CACNA1C: variants seen among roughly 807,000 people sequenced by gnomAD.
The protein encoded by CACNA1C is calcium voltage-gated channel subunit alpha1 C.
In CACNA1C, 30 loss-of-function variants were observed where a neutral mutation model predicts 229.0. The ratio of observed to expected loss-of-function variants is 0.13; its 90% confidence interval spans 0.10 to 0.18. CACNA1C has a LOEUF of 0.18. Among genes scored for constraint, CACNA1C ranks in the 10% least tolerant of loss-of-function variants. CACNA1C has a pLI of 1.00. For missense variants in CACNA1C, 1,658 were observed against 2,845.0 expected, an observed-to-expected ratio of 0.58 and a Z score of 9.49; for synonymous variants, 1,114 against 1,132.5, an observed-to-expected ratio of 0.98 and a Z score of 0.33.
At chr12:2,171,192 C>T (rs948029830) in intron 3 of CACNA1C, among the ~76,000 whole-genome samples, 2 of 152,178 alleles carry the variant, frequency 1.3e-5, no homozygotes, top group African/African-American at 4.8e-5. Context: ...CCTGTCAGGG[C>T]GATACAGTCT....
chr12:2,578,671 G>A (rs1600847877), intron 13 of CACNA1C, among the ~76,000 whole-genome samples: 1 of 152,212 alleles, frequency 6.6e-6, no homozygotes, highest in African/African-American at 2.4e-5. Flanking sequence ...CGAGGACTTT[G>A]CCTTGAGCCA....
At chr12:2,063,548 A>G (rs752817855) in intron 1 of CACNA1C, among the ~76,000 whole-genome samples, 2 of 152,260 alleles carry the variant, frequency 1.3e-5, no homozygotes, top group Non-Finnish European at 2.9e-5. Context: ...GACAATTTAC[A>G]TGATAAATGA....
chr12:2,642,764 C>T (rs1400553930), intron 30 of CACNA1C, among the ~76,000 whole-genome samples: 1 of 152,172 alleles, frequency 6.6e-6, no homozygotes, highest in African/African-American at 2.4e-5. Flanking sequence ...TTCGTTTATT[C>T]TTCATGGGCT....
rs201363709 is a variant in CACNA1C at position 2,310,352 on chromosome 12, A to AAATATATAT, written c.478-138623_478-138622insATATATATA. Among the ~76,000 whole-genome samples the AAATATATAT allele has an allele frequency of 1.4e-3, 193 of 139,834 alleles. 1 individual carries two copies. The highest frequency in any genetic ancestry group is 2.7e-3 in the African/African-American group (101 of 37,644). 91.7% of individuals were successfully genotyped at this position (139,834 alleles called of 152,430 possible). On this transcript the variant is annotated intron_variant, in intron 3 of 46. Transcript: ENST00000399655. ...CCTCTGCCTCCCAGTTAAAAAAAAAAATATATATATATATATATATGTATG... is the reference window on the plus strand; with the variant it reads ...CCTCTGCCTCCCAGTTAAAAAAAAAAAATATATATATATATATATATATATATATGTATG...
At chr12:2,097,799 C>T (rs2074861558) in intron 1 of CACNA1C, among the ~76,000 whole-genome samples, 1 of 152,174 alleles carries the variant, frequency 6.6e-6, no homozygotes, top group Non-Finnish European at 1.5e-5. Context: ...CAGCCATGGG[C>T]AGAGCGGGGT....
intron 3 of CACNA1C, among the ~76,000 whole-genome samples, chr12:2,311,211 T>C (rs4765914): frequency 0.79 from 120,154 of 152,146 alleles, 47,585 homozygotes; most frequent in East Asian, 0.95. Flanking sequence ...CAAACTCTGG[T>C]TCTTTGAGCA....
At chr12:2,244,233 TG>T (rs1164719452) in intron 3 of CACNA1C, among the ~76,000 whole-genome samples, 1 of 152,254 alleles carries the variant, frequency 6.6e-6, no homozygotes, top group Non-Finnish European at 1.5e-5. Context: ...AATTTCATTG[TG>T]AAGGGGCCTT....
chr12:2,224,545 T>C (rs897514774), intron 3 of CACNA1C, among the ~76,000 whole-genome samples: 10 of 152,178 alleles, frequency 6.6e-5, no homozygotes, highest in African/African-American at 2.4e-4. Flanking sequence ...GTCAGCTGCA[T>C]TGCATGTTAG....
Position 2,025,805 on chromosome 12 carries a change from G to A in CACNA1C, c.139+54604G>A, listed in dbSNP as rs570231407. On this transcript the variant is annotated intron_variant, in intron 1 of 46. Transcript: ENST00000682462. Reference sequence around the variant, plus strand: ...TCAGTATTTAACTTCACATATTTTTGTCCTCTTCTCAGGTTTTAAACTCCT... The same window carrying A: ...TCAGTATTTAACTTCACATATTTTTATCCTCTTCTCAGGTTTTAAACTCCT... Among the ~76,000 whole-genome samples, 67 of 152,006 alleles carry A rather than the reference G, an allele frequency of 4.4e-4. 1 individual carries two copies. The highest frequency in any genetic ancestry group is 1.8e-4 in the Non-Finnish European group (12 of 68,002).
rs1276746945 is a variant in CACNA1C at position 2,653,945 on chromosome 12, T to C, written c.4140+45T>C. ...GGGGCTCCTGGCCTCCCGCTCTGTC[T>C]CTCCCCAGTTCCCAGCACCACATTC... On this transcript the variant is annotated intron_variant, in intron 33 of 46. Coordinates refer to ENST00000399655, the MANE Select transcript of CACNA1C (RefSeq NM_000719.7). The surrounding 1 kb of genome is among the most constrained non-coding windows in gnomAD (Gnocchi z 4.7). 6.7e-7 allele frequency: 1 copy of C among 1,500,936 alleles called. No individual in the cohort carries two copies. The highest frequency in any genetic ancestry group is 9.3e-7 in the Non-Finnish European group (1 of 1,078,968). 93.0% of individuals were successfully genotyped at this position (1,500,936 alleles called of 1,614,324 possible). A position where few individuals can be genotyped will look rare whatever the true frequency, so the allele number is the denominator to read the frequency against.
intron 30 of CACNA1C, among the ~76,000 whole-genome samples, chr12:2,644,658 A>G (rs1281476244): frequency 6.6e-6 from 1 of 152,122 alleles, no homozygotes; most frequent in Non-Finnish European, 1.5e-5. Flanking sequence ...TTCCCTGAGT[A>G]TCGCCCCTCA....
At chr12:2,075,093 A>G (rs1313415790) in intron 1 of CACNA1C, among the ~76,000 whole-genome samples, 2 of 152,238 alleles carry the variant, frequency 1.3e-5, no homozygotes, top group African/African-American at 2.4e-5. Flanking sequence ...AGTTATAAAC[A>G]GTTTAGAGCC....
chr12:2,664,954 C>A lies in CACNA1C; in HGVS notation c.4362C>A (p.Phe1454Leu). 6.2e-7 allele frequency: 1 copy of A among 1,614,200 alleles called. No homozygotes were observed. Among genetic ancestry groups the A allele is most frequent in the Non-Finnish European group, 8.5e-7 (1 of 1,180,024 alleles). ...CCTGTGGTAGCAGCTTTGCTGTCTT[C>A]TACTTCATCAGCTTCTACATGCTCT... ...ETPCGSSFAV[F>L]YFISFYMLCA... The change falls in exon 35 of 47, where the codon TTC (phenylalanine) becomes TTA (leucine). Residue 1454 changes from phenylalanine (F) to leucine (L), a missense_variant. Around this residue, in one of 20 missense-constraint regions of CACNA1C, gnomAD observed 151 missense variants for 344.4 expected, o/e 0.44. Coordinates refer to ENST00000399655, the MANE Select transcript of CACNA1C (RefSeq NM_000719.7).
chr12:2,043,045 G>A (rs1304071520), intron 1 of CACNA1C, among the ~76,000 whole-genome samples: 5 of 152,136 alleles, frequency 3.3e-5, no homozygotes, highest in Admixed American at 6.5e-5. Context: ...ACTGTCACCC[G>A]TTTATCTGGA....
chr12:2,368,846 C>G (rs1164081868), intron 3 of CACNA1C, among the ~76,000 whole-genome samples: 2 of 151,946 alleles, frequency 1.3e-5, no homozygotes, highest in East Asian at 3.9e-4. Context: ...GGAAAAATAA[C>G]CAGACCAAAT....
chr12:2,524,672 G>T (rs554572000), intron 9 of CACNA1C, among the ~76,000 whole-genome samples: 1 of 152,352 alleles, frequency 6.6e-6, no homozygotes, highest in South Asian at 2.1e-4. Context: ...CCACCCCCGG[G>T]GCCTCACAGT....
intron 6 of CACNA1C, among the ~76,000 whole-genome samples, chr12:2,490,272 T>G (rs2099714961): frequency 6.6e-6 from 1 of 152,248 alleles, no homozygotes; most frequent in Admixed American, 6.5e-5. Flanking sequence ...AGAGATGTTT[T>G]CCTTTCTCGA....
chr12:2,413,208 T>TG (rs71057824), intron 3 of CACNA1C, among the ~76,000 whole-genome samples: 152,300 of 152,300 alleles, frequency 1, 76,150 homozygotes, highest in Non-Finnish European at 1. Context: ...ACTAAAGACG[T>TG]GTTTCACCAT....
chr12:2,174,326 C>T (rs1468500000), intron 3 of CACNA1C, among the ~76,000 whole-genome samples: 1 of 152,160 alleles, frequency 6.6e-6, no homozygotes, highest in Non-Finnish European at 1.5e-5. Flanking sequence ...GCTGCTAGTA[C>T]TTGACCTCCA....
Sources: gnomAD v4.1 joint callset for allele counts (sites outside exome capture counted in the v4.1 genomes callset) on GRCh38, gnomAD v4.1.1 for gene constraint, gnomAD v4.1.1 regional missense constraint, Gnocchi (gnomAD v3.1) non-coding constraint, MANE v1.5 for transcripts, NCBI Gene and HGNC (gene_info 2026-07-23, HGNC 2026-07-21) for gene names.